Variants in ASAP1 observed in about 807,000 individuals in gnomAD.
The protein encoded by ASAP1 is arf-GAP with SH3 domain, ANK repeat and PH domain-containing protein 1.
In ASAP1, 43 loss-of-function variants were observed where a neutral mutation model predicts 145.2. That is an observed-to-expected ratio of 0.30 (90% confidence interval 0.23 to 0.38). The LOEUF is 0.38. Ranked by LOEUF, ASAP1 falls within the 10% of genes least tolerant of loss-of-function variation. The probability of loss-of-function intolerance (pLI) is 1.00; values close to 1 mark genes in which losing one functional copy is unlikely to be tolerated. For synonymous variants in ASAP1, 546 were observed against 515.5 expected (o/e 1.06, Z -0.80); for missense variants, 1,018 against 1,355.3 (o/e 0.75, Z 3.91).
chr8:130,340,863 C>T (rs544570141), intron 3 of ASAP1: 1 of 456,080 alleles, frequency 2.2e-6, no homozygotes, highest in South Asian at 1.5e-5. Flanking sequence ...TATGATGGCT[C>T]CTGCATGCTT....
At chr8:130,222,260 C>T (rs1817335986) in intron 4 of ASAP1, among the ~76,000 whole-genome samples, 1 of 152,126 alleles carries the variant, frequency 6.6e-6, no homozygotes, top group Non-Finnish European at 1.5e-5. Context: ...CTAACTGACA[C>T]TATGTGTTAT....
In ASAP1 at chr8:130,169,054, C is replaced by A; in HGVS notation, c.760G>T (p.Gly254Cys). ...YHAQCNFFQD[G>C]LKTADKLKQY... ...TTCAACTTATCAGCTGTTTTCAAGCCATCTTGAAAGAAACTACAATTAAAA... is the reference window on the plus strand; with the variant it reads ...TTCAACTTATCAGCTGTTTTCAAGCAATCTTGAAAGAAACTACAATTAAAA... The change falls in exon 10 of 30, where the codon GGC (glycine) becomes TGC (cysteine). Residue 254 changes from glycine to cysteine, a missense_variant. This residue lies in a region of ASAP1 where 62 missense variants were observed against 68.5 expected (regional missense o/e 0.90). Transcript: ENST00000518721. 6.4e-7 allele frequency: 1 copy of A among 1,564,222 alleles called. No homozygotes were observed. The highest frequency in any genetic ancestry group is 8.6e-7 in the Non-Finnish European group (1 of 1,158,408).
At chr8:130,315,799 A>G (rs1823632482) in intron 3 of ASAP1, among the ~76,000 whole-genome samples, 1 of 152,240 alleles carries the variant, frequency 6.6e-6, no homozygotes, top group African/African-American at 2.4e-5. Flanking sequence ...CTGAGCACCC[A>G]AACCAATTCA....
chr8:130,171,267 C>T (rs1373000071), intron 9 of ASAP1, among the ~76,000 whole-genome samples: 8 of 152,118 alleles, frequency 5.3e-5, no homozygotes, highest in Non-Finnish European at 1.0e-4. Context: ...ATGCCCTTCC[C>T]CTCTATACCT....
rs28736860 is a variant in ASAP1, at chr8:130,309,008, T to G, written c.186+49009A>C. ...TTGGTATTTTAAATTTGCCTGATGC[T>G]CCACACCACAAATGACTTACACGCA... On this transcript the variant is annotated intron_variant, in intron 3 of 29. Coordinates refer to ENST00000518721, the MANE Select transcript of ASAP1 (RefSeq NM_018482.4). Among the ~76,000 whole-genome samples, 1,134 of 152,234 alleles carry G rather than the reference T, an allele frequency of 7.4e-3. 12 individuals are homozygous for G. The highest frequency in any genetic ancestry group is 0.026 in the African/African-American group (1,081 of 41,514).
At chr8:130,141,327 C>G (rs1390716291) in intron 13 of ASAP1, among the ~76,000 whole-genome samples, 2 of 152,124 alleles carry the variant, frequency 1.3e-5, no homozygotes, top group Admixed American at 6.5e-5. Context: ...TGAGTTGTTC[C>G]TTTGGCTGAG....
chr8:130,420,419 C>CATAT (rs1829673133), intron 1 of ASAP1, among the ~76,000 whole-genome samples: 11 of 152,102 alleles, frequency 7.2e-5, no homozygotes, highest in Admixed American at 7.2e-4. Flanking sequence ...CACTCCTGGC[C>CATAT]ATATACCTAG....
At chr8:130,242,819 TCTC>T (rs1818621298) in intron 3 of ASAP1, among the ~76,000 whole-genome samples, 1 of 152,056 alleles carries the variant, frequency 6.6e-6, no homozygotes, top group East Asian at 1.9e-4. Context: ...ATTGTCACTG[TCTC>T]CTCCTCAAAA....
chr8:130,179,395 G>A, intron 8 of ASAP1, 46 bp from the exon 9 acceptor site: 1 of 1,232,660 alleles, frequency 8.1e-7, no homozygotes, highest in South Asian at 1.2e-5. Flanking sequence ...TCCAGATGGG[G>A]CTCTTCAGCC....
chr8:130,167,317 A>C (rs2097681980), intron 11 of ASAP1: 6 of 614,974 alleles, frequency 9.8e-6, no homozygotes, highest in Admixed American at 2.7e-5. Context: ...GAAAAAAGAA[A>C]AAAAAAAAAT....
rs961158354 is a variant in ASAP1, at chr8:130,121,031, C to T, written c.1608-2356G>A. ...ACTATCTATTTACCTAGATGTAAAA[C>T]CTTGGGTGTCATCTTGACTGAGTCT... On this transcript the variant is annotated intron_variant, in intron 18 of 29. Transcript: ENST00000518721. 2.0e-5 allele frequency among the ~76,000 whole-genome samples: 3 copies of T among 152,270 alleles called. No individual in the cohort carries two copies. The South Asian group carries it at 6.2e-4, about 32-fold the overall frequency.
At chr8:130,065,273 T>G (rs1318799070) in intron 27 of ASAP1, among the ~76,000 whole-genome samples, 1 of 152,148 alleles carries the variant, frequency 6.6e-6, no homozygotes, top group Non-Finnish European at 1.5e-5. Context: ...CACAGGAGCT[T>G]CTGAACCTGA....
chr8:130,162,531 A>G (rs894947000), intron 11 of ASAP1, among the ~76,000 whole-genome samples: 2 of 152,188 alleles, frequency 1.3e-5, no homozygotes, highest in African/African-American at 4.8e-5. Context: ...GAAACATTAA[A>G]AACATGGCCA....
chr8:130,279,789 AGAGCGT>A (rs1821146407), intron 3 of ASAP1, among the ~76,000 whole-genome samples: 1 of 152,208 alleles, frequency 6.6e-6, no homozygotes, highest in South Asian at 2.1e-4. Flanking sequence ...GAAAGAACAT[AGAGCGT>A]TAAGCAGGAA....
At chr8:130,196,129 G>C (rs1362068356) in intron 5 of ASAP1, among the ~76,000 whole-genome samples, 2 of 152,178 alleles carry the variant, frequency 1.3e-5, no homozygotes, top group Non-Finnish European at 2.9e-5. Flanking sequence ...ATCACCTGAG[G>C]TCAGGAGTTC....
chr8:130,286,072 C>T (rs1026065262), intron 3 of ASAP1, among the ~76,000 whole-genome samples: 28 of 152,156 alleles, frequency 1.8e-4, no homozygotes, highest in Non-Finnish European at 5.9e-5. Context: ...TTATCTCCCT[C>T]AATCCTCACA....
At chr8:130,345,344 G>A (rs1255924522) in intron 3 of ASAP1, among the ~76,000 whole-genome samples, 2 of 152,132 alleles carry the variant, frequency 1.3e-5, no homozygotes, top group Non-Finnish European at 2.9e-5. Context: ...TGCCCCAGAT[G>A]CATGATGTAA....
At chr8:130,289,452 A>C (rs1264075530) in intron 3 of ASAP1, among the ~76,000 whole-genome samples, 2 of 152,228 alleles carry the variant, frequency 1.3e-5, no homozygotes, top group Admixed American at 1.3e-4. Context: ...GCGTATTCAA[A>C]GGGCACAAGA....
chr8:130,138,387 G>T (rs1051387462), intron 13 of ASAP1, among the ~76,000 whole-genome samples: 1 of 152,158 alleles, frequency 6.6e-6, no homozygotes, highest in African/African-American at 2.4e-5. Context: ...CATGTTCAAT[G>T]CATGTACCTT....
Sources: allele counts gnomAD v4.1 joint callset (sites outside exome capture counted in the v4.1 genomes callset), GRCh38; gene constraint gnomAD v4.1.1; regional missense constraint gnomAD v4.1.1; transcripts MANE v1.5; gene names NCBI Gene and HGNC (gene_info 2026-07-23, HGNC 2026-07-21).